STPG2: variants seen among roughly 807,000 people sequenced by gnomAD.
STPG2 encodes sperm-tail PG-rich repeat-containing protein 2.
STPG2 carries 56 observed loss-of-function variants against 54.2 expected under a neutral mutation model. The ratio of observed to expected loss-of-function variants is 1.03; its 90% CI spans 0.83 to 1.29. The LOEUF (loss-of-function observed/expected upper bound fraction) is 1.29. Among genes scored for constraint, STPG2 ranks in the 50% most tolerant of loss-of-function variants. The pLI, the probability that STPG2 is intolerant of heterozygous loss-of-function variation, is 0.00. For missense variants in STPG2, 596 were observed against 544.9 expected, an observed-to-expected ratio of 1.09 and a Z score of -0.93; for synonymous variants, 200 against 181.8, an observed-to-expected ratio of 1.10 and a Z score of -0.81.
At chr4:97,785,797 A>G (rs942643651) in intron 9 of STPG2, among the ~76,000 whole-genome samples, 1 of 152,044 alleles carries the variant, frequency 6.6e-6, no homozygotes, top group African/African-American at 2.4e-5. Context: ...GAGAAAACTC[A>G]ATAGGCATAA....
chr4:97,815,749 C>A (rs1727888285), intron 9 of STPG2, among the ~76,000 whole-genome samples: 1 of 152,064 alleles, frequency 6.6e-6, no homozygotes, highest in South Asian at 2.1e-4. Context: ...GAAGTATGAT[C>A]TTGTTATCTT....
intron 5 of STPG2, among the ~76,000 whole-genome samples, chr4:98,082,598 C>A (rs1738382201): frequency 1.3e-5 from 2 of 150,562 alleles, no homozygotes; most frequent in Admixed American, 1.3e-4. Flanking sequence ...ACTACAGGCG[C>A]CCGCCACTAC....
At position 98,128,375 on chromosome 4, in the gene STPG2, A is replaced by T. The variant is rs1739887682; in HGVS notation, c.387+53T>A. The T allele has an allele frequency of 1.3e-5, 19 of 1,443,436 alleles. No homozygotes were observed. The South Asian group carries it at 2.6e-4, about 20-fold the overall frequency. 89.4% of individuals were successfully genotyped at this position (1,443,436 alleles called of 1,614,324 possible). ...TAAGCCAGGAAAAAAAGAAACCCAT[A>T]TGTAAATCATAAACAATTTTCCAAT... On this transcript the variant is annotated intron_variant, in intron 3 of 10. Transcript: ENST00000295268.
chr4:98,114,228 G>A (rs963822563), intron 3 of STPG2, among the ~76,000 whole-genome samples: 2 of 152,056 alleles, frequency 1.3e-5, no homozygotes, highest in Admixed American at 6.6e-5. Context: ...TACATAGGCA[G>A]TTTTGATGGC....
intron 9 of STPG2, among the ~76,000 whole-genome samples, chr4:97,821,892 T>G (rs1215586055): frequency 5.9e-5 from 9 of 152,192 alleles, no homozygotes; most frequent in African/African-American, 2.2e-4. Context: ...TAAGAAGAGC[T>G]GCCAAAAAGA....
chr4:97,790,674 C>T (rs1325428091), intron 9 of STPG2, among the ~76,000 whole-genome samples: 1 of 152,122 alleles, frequency 6.6e-6, no homozygotes, highest in Non-Finnish European at 1.5e-5. Context: ...AAGCTTCTCT[C>T]GTGTTTTCAA....
Position 97,484,439 on chromosome 4 carries a change from C to T in STPG2, c.462+228260G>A, listed in dbSNP as rs116488783. Among the ~76,000 whole-genome samples, 738 of 151,518 alleles carry T rather than the reference C, an allele frequency of 4.9e-3. 3 individuals are homozygous for T. The highest frequency in any genetic ancestry group is 0.017 in the African/African-American group (696 of 41,386). On this transcript the variant is annotated intron_variant, in intron 4 of 4. Coordinates refer to the STPG2 transcript ENST00000522676. ...TTCAAGGCTACTATGAAAACTTTTA[C>T]GCACATCAAGTAGAAAACCTAGAAA...
chr4:97,461,536 G>A (rs1395748710), intron 4 of STPG2, among the ~76,000 whole-genome samples: 1 of 152,138 alleles, frequency 6.6e-6, no homozygotes, highest in African/African-American at 2.4e-5. Context: ...CTGCAACCCA[G>A]AAGAGGGCCC....
chr4:97,905,622 T>C (rs961438731), intron 8 of STPG2, among the ~76,000 whole-genome samples: 1 of 152,098 alleles, frequency 6.6e-6, no homozygotes. Context: ...ACTTTAAATG[T>C]AAATGGACTA....
intron 3 of STPG2, among the ~76,000 whole-genome samples, chr4:98,116,891 T>C (rs928154548): frequency 4.6e-5 from 7 of 151,998 alleles, no homozygotes; most frequent in Non-Finnish European, 1.0e-4. Context: ...AAACAATCCA[T>C]TAGTCTTAAA....
At chr4:97,941,038 C>A (rs1272547264) in intron 8 of STPG2, among the ~76,000 whole-genome samples, 3 of 151,920 alleles carry the variant, frequency 2.0e-5, no homozygotes, top group Non-Finnish European at 2.9e-5. Context: ...AAATTATTTT[C>A]TTGATTCATT....
At chr4:97,546,564 A>G (rs1382522838) in intron 4 of STPG2, among the ~76,000 whole-genome samples, 1 of 152,178 alleles carries the variant, frequency 6.6e-6, no homozygotes, top group African/African-American at 2.4e-5. Context: ...TTGTTACTAT[A>G]CTTCACAGAA....
At chr4:98,015,014 T>G (rs1019003726) in intron 5 of STPG2, among the ~76,000 whole-genome samples, 1 of 152,210 alleles carries the variant, frequency 6.6e-6, no homozygotes, top group South Asian at 2.1e-4. Flanking sequence ...CAGTTGTTTT[T>G]ATCTTACTAC....
intron 4 of STPG2, among the ~76,000 whole-genome samples, chr4:97,503,925 T>G (rs1471512689): frequency 9.8e-6 from 1 of 101,750 alleles, no homozygotes; most frequent in Non-Finnish European, 1.9e-5. Context: ...TAAAAATATA[T>G]TTAAATATTT....
At chr4:97,598,567 A>C (rs1733365306) in intron 10 of STPG2, among the ~76,000 whole-genome samples, 2 of 151,904 alleles carry the variant, frequency 1.3e-5, no homozygotes, top group African/African-American at 4.8e-5. Flanking sequence ...AAAAAAAAAA[A>C]AACAGACATA....
chr4:97,734,089 TTAAA>T (rs1317801911), intron 9 of STPG2, among the ~76,000 whole-genome samples: 2 of 152,230 alleles, frequency 1.3e-5, no homozygotes, highest in African/African-American at 2.4e-5. Flanking sequence ...GTTCCTGATC[TTAAA>T]TAAAAAGCTT....
At chr4:98,099,119 G>C (rs566801224) in intron 5 of STPG2, among the ~76,000 whole-genome samples, 2 of 151,902 alleles carry the variant, frequency 1.3e-5, no homozygotes, top group South Asian at 4.2e-4. Context: ...TAGGCATACA[G>C]CCAAAATAAA....
Position 97,923,707 on chromosome 4 carries a change from G to A in STPG2, c.1044+20190C>T, listed in dbSNP as rs184142544. Among the ~76,000 whole-genome samples, 323 of 152,056 alleles carry A rather than the reference G, an allele frequency of 2.1e-3. 2 individuals carry two copies. Among genetic ancestry groups the A allele is most frequent in the African/African-American group, 6.9e-3 (288 of 41,494 alleles). On this transcript the variant is annotated intron_variant, in intron 8 of 10. Coordinates refer to ENST00000295268, the MANE Select transcript of STPG2 (RefSeq NM_174952.3). ...CTAAGGGATTGTGAATGCACCAATC[G>A]GCACTCTGTATCTAGCTCAAGGTTT...
intron 7 of STPG2, among the ~76,000 whole-genome samples, chr4:97,950,279 A>T (rs1279563828): frequency 2.6e-5 from 4 of 152,068 alleles, no homozygotes; most frequent in Non-Finnish European, 5.9e-5. Flanking sequence ...TATTTCCTGG[A>T]AACTTTGTTC....
Sources: gnomAD v4.1 joint callset for allele counts (sites outside exome capture counted in the v4.1 genomes callset) on GRCh38, gnomAD v4.1.1 for gene constraint, MANE v1.5 for transcripts, NCBI Gene and HGNC (gene_info 2026-07-23, HGNC 2026-07-21) for gene names.